RAI1: variants seen among roughly 807,000 people sequenced by gnomAD.
RAI1 encodes retinoic acid induced 1.
Under a neutral mutation model 123.8 loss-of-function variants are expected in RAI1, and 9 were observed. The ratio of observed to expected loss-of-function variants is 0.07; its 90% CI spans 0.04 to 0.13. The LOEUF (loss-of-function observed/expected upper bound fraction) is 0.13. Ranked by LOEUF, RAI1 falls within the 10% of genes least tolerant of loss-of-function variation. The probability of loss-of-function intolerance (pLI) is 1.00; values close to 1 mark genes in which losing one functional copy is unlikely to be tolerated. For synonymous variants in RAI1, 1,231 were observed against 1,127.3 expected (o/e 1.09, Z -1.84); for missense variants, 2,256 against 2,545.8 (o/e 0.89, Z 2.45).
At chr17:17,715,945 A>G (rs1200294396) in intron 1 of RAI1, among the ~76,000 whole-genome samples, 2 of 152,242 alleles carry the variant, frequency 1.3e-5, no homozygotes, top group African/African-American at 4.8e-5. Flanking sequence ...AAGGCTGTGC[A>G]ACACACTGTT....
At chr17:17,732,149 A>G (rs906312653) in intron 2 of RAI1, among the ~76,000 whole-genome samples, 2 of 152,020 alleles carry the variant, frequency 1.3e-5, no homozygotes, top group African/African-American at 2.4e-5. Flanking sequence ...CCCATTTTAC[A>G]GATGAAGAAA....
intron 2 of RAI1, among the ~76,000 whole-genome samples, chr17:17,788,640 TC>T (rs1784309943): frequency 6.6e-6 from 1 of 152,074 alleles, no homozygotes; most frequent in Non-Finnish European, 1.5e-5. Flanking sequence ...TGAAAACAGG[TC>T]ATAAAACCAC....
rs376652163 is a variant in RAI1 at position 17,797,702 on chromosome 17, G to A, written c.4754G>A (p.Arg1585Gln). 2.0e-5 allele frequency: 33 copies of A among 1,613,290 alleles called. No homozygotes were observed. Among genetic ancestry groups the A allele is most frequent in the Non-Finnish European group, 2.5e-5 (29 of 1,179,578 alleles). The change falls in exon 3 of 6, where the codon CGG (arginine) becomes CAG (glutamine). Residue 1585 changes from arginine (R) to glutamine (Q), a missense_variant. Around this residue, in one of 7 missense-constraint regions of RAI1, gnomAD observed 410 missense variants for 374.6 expected, o/e 1.09. Transcript: ENST00000353383. ...IRLKYISSCKRLRSDSRTPAF... is the reference protein window; with the variant it reads ...IRLKYISSCKQLRSDSRTPAF... ...CTCAAGTACATTTCCTCTTGCAAGC[G>A]GCTGAGGTCAGACAGCCGGACCCCC...
chr17:17,742,775 G>A (rs1916687728), intron 2 of RAI1, among the ~76,000 whole-genome samples: 1 of 152,138 alleles, frequency 6.6e-6, no homozygotes, highest in South Asian at 2.1e-4. Flanking sequence ...TATCTGGTTT[G>A]GGGGTCCTTG....
chr17:17,774,369 G>T (rs1221292593), intron 2 of RAI1, among the ~76,000 whole-genome samples: 1 of 152,252 alleles, frequency 6.6e-6, no homozygotes, highest in Middle Eastern at 3.2e-3. Context: ...CTGAGGCCCT[G>T]GTCTGGAAAA....
intron 2 of RAI1, among the ~76,000 whole-genome samples, chr17:17,763,165 G>C (rs2030778311): frequency 6.6e-6 from 1 of 152,210 alleles, no homozygotes; most frequent in Non-Finnish European, 1.5e-5. Context: ...CTTTCCTGGG[G>C]TGGGAATGGC....
At chr17:17,711,300 T>C (rs1358212950) in intron 1 of RAI1, among the ~76,000 whole-genome samples, 2 of 152,182 alleles carry the variant, frequency 1.3e-5, no homozygotes, top group Non-Finnish European at 1.5e-5. Context: ...TCCCCCATGA[T>C]TTCCATCTTT....
chr17:17,762,279 A>AGACCCAGGAGGATGGC (rs1308992405), intron 2 of RAI1, among the ~76,000 whole-genome samples: 6 of 152,152 alleles, frequency 3.9e-5, no homozygotes, highest in Admixed American at 3.3e-4. Flanking sequence ...TCATTGGAGA[A>AGACCCAGGAGGATGGC]GACCCAGGAG....
At chr17:17,758,380 G>A (rs905985384) in intron 2 of RAI1, among the ~76,000 whole-genome samples, 1 of 152,220 alleles carries the variant, frequency 6.6e-6, no homozygotes, top group African/African-American at 2.4e-5. Flanking sequence ...CCCAGCTCCT[G>A]CCTAGGTGAA....
At chr17:17,705,012 T>C (rs1034304378) in intron 1 of RAI1, among the ~76,000 whole-genome samples, 1 of 152,174 alleles carries the variant, frequency 6.6e-6, no homozygotes, top group African/African-American at 2.4e-5. Context: ...AGGTGGCAAC[T>C]GCTCAGTGAG....
chr17:17,804,179 G>T (rs545587874), intron 4 of RAI1: 99 of 395,790 alleles, frequency 2.5e-4, no homozygotes, highest in African/African-American at 1.9e-3. Context: ...GAGAGAAAGG[G>T]GTATTGGAGG....
At chr17:17,785,459 C>T (rs1167611270) in intron 2 of RAI1, among the ~76,000 whole-genome samples, 1 of 152,226 alleles carries the variant, frequency 6.6e-6, no homozygotes, top group East Asian at 1.9e-4. Flanking sequence ...TCTCTGCCCT[C>T]CTCAGGCTAC....
intron 2 of RAI1, among the ~76,000 whole-genome samples, chr17:17,780,060 C>A (rs1050999243): frequency 1.2e-5 from 1 of 83,140 alleles, no homozygotes; most frequent in Non-Finnish European, 2.5e-5. Context: ...CAGGAGTGAG[C>A]CACTCCACCC....
Position 17,795,961 on chromosome 17 carries a change from C to T in RAI1, c.3013C>T (p.Arg1005Trp). Reference sequence around the variant, plus strand: ...AAGCTTACGGAGCCGTCGGGTGCACCGGGGGCTGCCCGAGGCCGAGGACTC... The same window carrying T: ...AAGCTTACGGAGCCGTCGGGTGCACTGGGGGCTGCCCGAGGCCGAGGACTC... ...GKSLRSRRVH[R>W]GLPEAEDSPC... Residue 1005 changes from arginine (R) to tryptophan (W), a missense_variant, in exon 3 of 6, where the codon CGG (arginine) becomes TGG (tryptophan). By Grantham distance (101) the Arg-to-Trp change is moderately radical. Around this residue, in one of 7 missense-constraint regions of RAI1, gnomAD observed 566 missense variants for 616.0 expected, o/e 0.92. Transcript: ENST00000353383. This position sits in a 1 kb window ranked among gnomAD's most constrained non-coding sequence, Gnocchi z 5.9. 2 of 1,604,580 alleles carry T rather than the reference C, an allele frequency of 1.2e-6. No homozygotes were observed. Among genetic ancestry groups the T allele is most frequent in the Non-Finnish European group, 1.7e-6 (2 of 1,177,794 alleles).
chr17:17,767,078 C>A (rs2030966055), intron 2 of RAI1, among the ~76,000 whole-genome samples: 1 of 152,124 alleles, frequency 6.6e-6, no homozygotes, highest in South Asian at 2.1e-4. Flanking sequence ...GAGCCCTGGC[C>A]CAGTCAACTC....
At chr17:17,737,718 G>A (rs1399190598) in intron 2 of RAI1, among the ~76,000 whole-genome samples, 2 of 152,186 alleles carry the variant, frequency 1.3e-5, no homozygotes, top group African/African-American at 2.4e-5. Flanking sequence ...GACAGATGGA[G>A]GGGGGCTACA....
intron 1 of RAI1, among the ~76,000 whole-genome samples, chr17:17,711,600 C>T (rs1419083019): frequency 6.6e-6 from 1 of 152,186 alleles, no homozygotes; most frequent in African/African-American, 2.4e-5. Flanking sequence ...GAGGCCTCAA[C>T]AGGTCTTGGT....
At chr17:17,695,827 T>C (rs192889398) in intron 1 of RAI1, among the ~76,000 whole-genome samples, 1 of 152,310 alleles carries the variant, frequency 6.6e-6, no homozygotes, top group East Asian at 1.9e-4. Context: ...CGGCCTCCCC[T>C]AGTCTCTTAA....
At position 17,794,103 on chromosome 17, in the gene RAI1, G is replaced by T. The variant is rs1278692248; in HGVS notation, c.1155G>T (p.Gly385=). 1 of 1,613,920 alleles carries T rather than the reference G, an allele frequency of 6.2e-7. No individual in the cohort carries two copies. Among genetic ancestry groups the T allele is most frequent in the Non-Finnish European group, 8.5e-7 (1 of 1,180,054 alleles). Reference sequence around the variant, plus strand: ...TCAGCACCGGGGCCTTCCCCGCAGGGATCACTGACCACAGCCACTTCATGC... The same window carrying T: ...TCAGCACCGGGGCCTTCCCCGCAGGTATCACTGACCACAGCCACTTCATGC... The part of the protein sequence containing the change: ...QPLSTGAFPA[G]ITDHSHFMPL... Residue 385 remains glycine (G), a synonymous_variant, in exon 3 of 6, where the codon GGG becomes GGT. Transcript: ENST00000353383.
Sources: gnomAD v4.1 joint callset for allele counts (sites outside exome capture counted in the v4.1 genomes callset) on GRCh38, gnomAD v4.1.1 for gene constraint, gnomAD v4.1.1 regional missense constraint, Gnocchi (gnomAD v3.1) non-coding constraint, MANE v1.5 for transcripts, NCBI Gene and HGNC (gene_info 2026-07-23, HGNC 2026-07-21) for gene names.